The following SOX5 variants were observed in gnomAD, a reference collection of about 807,000 sequenced individuals.
SOX5 encodes transcription factor SOX-5.
Under a neutral mutation model 92.0 loss-of-function variants are expected in SOX5, and 9 were observed. That is an observed-to-expected ratio of 0.10 (90% CI 0.06 to 0.17). The LOEUF (loss-of-function observed/expected upper bound fraction) is 0.17, where lower values mean the gene tolerates loss of function less well. SOX5 is among the 10% of genes least tolerant of loss of function. SOX5 has a pLI of 1.00. For synonymous variants in SOX5, 344 were observed against 336.3 expected (o/e 1.02, Z -0.25); for missense variants, 642 against 944.5 (o/e 0.68, Z 4.20).
chr12:23,875,484 T>C (rs940756994), intron 2 of SOX5, among the ~76,000 whole-genome samples: 1 of 152,070 alleles, frequency 6.6e-6, no homozygotes, highest in Non-Finnish European at 1.5e-5. Context: ...GTTTTTTCTT[T>C]AGTAAAAAAG....
At chr12:23,818,601 A>G (rs2096046501) in intron 3 of SOX5, among the ~76,000 whole-genome samples, 1 of 152,144 alleles carries the variant, frequency 6.6e-6, no homozygotes, top group Admixed American at 6.6e-5. Flanking sequence ...TTTTTCTTCA[A>G]TAATGAATTA....
intron 4 of SOX5, among the ~76,000 whole-genome samples, chr12:24,041,540 T>C (rs1210015155): frequency 2.6e-5 from 4 of 152,188 alleles, no homozygotes; most frequent in Non-Finnish European, 5.9e-5. Flanking sequence ...ACTACATTGC[T>C]TAAAGTCCTT....
intron 1 of SOX5, among the ~76,000 whole-genome samples, chr12:24,506,784 C>CTTGTTTTTTTTTTTTTTTTTTT (rs1948797481): frequency 2.4e-5 from 2 of 81,760 alleles, no homozygotes; most frequent in Non-Finnish European, 4.4e-5. Context: ...TCCAAATGGT[C>CTTGTTTTTTTTTTTTTTTTTTT]TTTTTTTTTT....
chr12:23,613,523 AG>A (rs557911732), intron 8 of SOX5, among the ~76,000 whole-genome samples: 3 of 152,230 alleles, frequency 2.0e-5, no homozygotes, highest in Non-Finnish European at 4.4e-5. Context: ...TACACAAAAA[AG>A]AATTGAAAGC....
At chr12:24,482,199 C>G (rs1408074788) in intron 1 of SOX5, among the ~76,000 whole-genome samples, 1 of 152,122 alleles carries the variant, frequency 6.6e-6, no homozygotes, top group Non-Finnish European at 1.5e-5. Flanking sequence ...TACACTCACA[C>G]ACTGAGAAAG....
At chr12:24,437,592 A>G (rs2418179) in intron 1 of SOX5, among the ~76,000 whole-genome samples, 14,904 of 152,276 alleles carry the variant, frequency 0.098, 878 homozygotes, top group South Asian at 0.16. Flanking sequence ...ATTTACAAGA[A>G]AAAACAAACA....
intron 4 of SOX5, among the ~76,000 whole-genome samples, chr12:24,141,533 C>T (rs551328092): frequency 6.6e-6 from 1 of 152,274 alleles, no homozygotes; most frequent in East Asian, 1.9e-4. Context: ...TTTTGCCTAG[C>T]AGGGTCTCTT....
At chr12:24,219,289 A>G (rs1223013825) in intron 3 of SOX5, among the ~76,000 whole-genome samples, 2 of 152,068 alleles carry the variant, frequency 1.3e-5, no homozygotes, top group African/African-American at 4.8e-5. Context: ...ATATTTCATG[A>G]TAACTAAAGG....
intron 3 of SOX5, among the ~76,000 whole-genome samples, chr12:23,817,243 C>T (rs17475095): frequency 0.097 from 14,727 of 152,110 alleles, 912 homozygotes; most frequent in Non-Finnish European, 0.14. Context: ...AGGTTAGGTA[C>T]CCATTATTAT....
At chr12:24,085,214 C>T (rs1028565444) in intron 4 of SOX5, among the ~76,000 whole-genome samples, 10 of 152,168 alleles carry the variant, frequency 6.6e-5, no homozygotes, top group African/African-American at 1.7e-4. Flanking sequence ...CAACAGATGC[C>T]TTTCAGCCTG....
rs146978367 is a variant in SOX5, at chr12:24,146,825, A to G, written c.-2+66518T>C. Reference sequence around the variant, plus strand: ...CACTAGGAATTCTGCAGATGTTAAAATTTTAATAAGATAATATTATGATTA... The same window carrying G: ...CACTAGGAATTCTGCAGATGTTAAAGTTTTAATAAGATAATATTATGATTA... On this transcript the variant is annotated intron_variant, in intron 4 of 4. Transcript: ENST00000446891. Among the ~76,000 whole-genome samples the G allele has an allele frequency of 4.7e-3, 719 of 152,078 alleles. 2 individuals carry two copies. The highest frequency in any genetic ancestry group is 0.016 in the African/African-American group (663 of 41,546).
chr12:24,406,291 A>G (rs1020669202), intron 1 of SOX5, among the ~76,000 whole-genome samples: 5 of 152,144 alleles, frequency 3.3e-5, no homozygotes, highest in Non-Finnish European at 5.9e-5. Flanking sequence ...AGGGCGCTGA[A>G]GGAGAAGCCC....
intron 3 of SOX5, among the ~76,000 whole-genome samples, chr12:23,793,212 C>T (rs11047102): frequency 0.079 from 12,017 of 152,066 alleles, 603 homozygotes; most frequent in Admixed American, 0.11. Flanking sequence ...AAAATATATG[C>T]GAATCATGAA....
chr12:24,075,308 G>C lies in SOX5; in HGVS notation c.-2+138035C>G, dbSNP rs1942422916. On this transcript the variant is annotated intron_variant, in intron 4 of 4. Coordinates refer to the SOX5 transcript ENST00000446891. ...AAAAAAAAAAAAAAAAAAAAAGTCA[G>C]TGCCAGTCAGAAACAGGACCTGCAG... is the stretch of plus-strand genomic sequence containing the variant. 2.3e-5 allele frequency among the ~76,000 whole-genome samples: 3 copies of C among 132,526 alleles called. No homozygotes were observed. The South Asian group carries it at 7.2e-4, about 32-fold the overall frequency. The allele number at this position is 132,526 out of a possible 152,430, so 86.9% of individuals were successfully genotyped here.
In SOX5 at chr12:23,602,668, A is replaced by T. The variant is rs185657168; in HGVS notation, c.1164+1719T>A. On this transcript the variant is annotated intron_variant, in intron 9 of 14. Coordinates refer to ENST00000451604, the MANE Select transcript of SOX5 (RefSeq NM_006940.6). ...GAAATCACATCAATAAATCAAGGGA[A>T]AAAACAGAGAATAATACCTCACAGA... Among the ~76,000 whole-genome samples, 56 of 152,186 alleles carry T rather than the reference A, an allele frequency of 3.7e-4. No homozygotes were observed. The East Asian group carries it at 9.5e-3, about 26-fold the overall frequency.
At chr12:24,031,199 T>TTATA (rs57044625) in intron 4 of SOX5, among the ~76,000 whole-genome samples, 32,383 of 147,226 alleles carry the variant, frequency 0.22, 3,870 homozygotes, top group Non-Finnish European at 0.28. Context: ...CTGCTACTAG[T>TTATA]TATATATATA....
At chr12:24,092,104 T>C (rs1460100973) in intron 4 of SOX5, among the ~76,000 whole-genome samples, 2 of 152,158 alleles carry the variant, frequency 1.3e-5, no homozygotes, top group African/African-American at 4.8e-5. Context: ...ATGTAATCAG[T>C]AAACATTTGA....
chr12:23,808,211 G>A (rs1330688409), intron 3 of SOX5, among the ~76,000 whole-genome samples: 1 of 152,130 alleles, frequency 6.6e-6, no homozygotes, highest in African/African-American at 2.4e-5. Context: ...AAATATAGCT[G>A]TGGAAATGAA....
chr12:24,042,126 T>C (rs1026887742), intron 4 of SOX5, among the ~76,000 whole-genome samples: 1 of 152,074 alleles, frequency 6.6e-6, no homozygotes, highest in Non-Finnish European at 1.5e-5. Flanking sequence ...CTTCAAGTAT[T>C]GTGAAGAAAA....
Sources: gnomAD v4.1 joint callset for allele counts (sites outside exome capture counted in the v4.1 genomes callset) on GRCh38, gnomAD v4.1.1 for gene constraint, MANE v1.5 for transcripts, NCBI Gene and HGNC (gene_info 2026-07-23, HGNC 2026-07-21) for gene names.